PCDHA8: variants seen among roughly 807,000 people sequenced by gnomAD.
PCDHA8 encodes protocadherin alpha 8, also known as protocadherin alpha-8.
Under a neutral mutation model 61.8 loss-of-function variants are expected in PCDHA8, and 53 were observed. That is an observed-to-expected ratio of 0.86 (90% CI 0.69 to 1.08). The LOEUF (loss-of-function observed/expected upper bound fraction) is 1.08, where lower values mean the gene tolerates loss of function less well. Among genes scored for constraint, PCDHA8 ranks in the 50% least tolerant of loss-of-function variants. The pLI is 0.00. For missense variants in PCDHA8, 1,293 were observed against 1,245.0 expected (o/e 1.04, Z -0.58); for synonymous variants, 618 against 556.6 (o/e 1.11, Z -1.55).
intron 1 of PCDHA8, chr5:140,870,801 G>A: frequency 6.2e-7 from 1 of 1,613,670 alleles, no homozygotes; most frequent in Non-Finnish European, 8.5e-7. Context: ...CACTGCTGGC[G>A]ACTCAGGCTG....
chr5:140,877,572 C>T (rs2057210526), intron 1 of PCDHA8: 6 of 1,613,784 alleles, frequency 3.7e-6, no homozygotes, highest in Non-Finnish European at 4.2e-6. Flanking sequence ...ACGTGTACCT[C>T]ATCATCGCCA....
At chr5:140,876,742 G>C (rs1554168860) in intron 1 of PCDHA8, 3 of 1,614,274 alleles carry the variant, frequency 1.9e-6, no homozygotes, top group Admixed American at 3.3e-5. Context: ...CTATGAGCTG[G>C]TGGTGACTGC....
chr5:140,869,199 C>T, intron 1 of PCDHA8: 1 of 1,614,024 alleles, frequency 6.2e-7, no homozygotes, highest in Non-Finnish European at 8.5e-7. Context: ...GCCAGCTCCA[C>T]TACTCCGTCT....
chr5:140,951,252 A>AT (rs1488592252), intron 1 of PCDHA8, among the ~76,000 whole-genome samples: 16 of 151,738 alleles, frequency 1.1e-4, no homozygotes, highest in Admixed American at 1.1e-3. Context: ...AATGCATCAC[A>AT]TTTTTCTGGT....
rs542701193 is a variant in PCDHA8 at position 140,931,976 on chromosome 5, A to G, written c.2395-46973A>G. 2.6e-5 allele frequency among the ~76,000 whole-genome samples: 4 copies of G among 152,074 alleles called. No homozygotes were observed. In the East Asian group the frequency reaches 7.7e-4, roughly 29 times the overall value. On this transcript the variant is annotated intron_variant, in intron 1 of 3. Coordinates refer to ENST00000531613, the MANE Select transcript of PCDHA8 (RefSeq NM_018911.3). ...GAATCATGTTGATGCATATGTGTTTATATTTTGCTCAAATTCTAAGTTCTT... is the reference window on the plus strand; with the variant it reads ...GAATCATGTTGATGCATATGTGTTTGTATTTTGCTCAAATTCTAAGTTCTT...
At chr5:140,970,960 G>T (rs3776114) in intron 1 of PCDHA8, among the ~76,000 whole-genome samples, 54,597 of 152,034 alleles carry the variant, frequency 0.36, 10,036 homozygotes, top group Admixed American at 0.46. Context: ...ATGGGAGGCA[G>T]ATTGTAGATT....
At chr5:140,926,185 GCAGCACTT>G (rs1563077744) in intron 1 of PCDHA8, among the ~76,000 whole-genome samples, 1 of 151,672 alleles carries the variant, frequency 6.6e-6, no homozygotes, top group East Asian at 1.9e-4. Flanking sequence ...AAAGCCCCCC[GCAGCACTT>G]CTTTCGGGGG....
rs1554166675 is a variant in PCDHA8 at position 140,873,309 on chromosome 5, T to C, written c.2394+29594T>C. ...TGAAACTTTATAAATATAATAAAGG[T>C]GAATATTAGATAGGGCATACATTAC... On this transcript the variant is annotated intron_variant, in intron 1 of 3. Transcript: ENST00000531613. Among the ~76,000 whole-genome samples, 4 of 152,264 alleles carry C rather than the reference T, an allele frequency of 2.6e-5. No individual in the cohort carries two copies. The East Asian group carries it at 5.8e-4, about 22-fold the overall frequency.
chr5:140,888,088 C>G (rs941828532), intron 1 of PCDHA8, among the ~76,000 whole-genome samples: 3 of 151,906 alleles, frequency 2.0e-5, no homozygotes, highest in African/African-American at 4.8e-5. Flanking sequence ...ACATTTTTGT[C>G]CTTAGTTTGC....
intron 1 of PCDHA8, among the ~76,000 whole-genome samples, chr5:140,949,279 A>T (rs2094358116): frequency 6.6e-6 from 1 of 151,848 alleles, no homozygotes; most frequent in African/African-American, 2.4e-5. Flanking sequence ...CTTGAAAAGA[A>T]TGTATATTCT....
In PCDHA8 at chr5:140,854,136, C is replaced by T. The variant is rs1341561455; in HGVS notation, c.2394+10421C>T. 15 of 398,606 alleles carry T rather than the reference C, an allele frequency of 3.8e-5. 1 individual carries two copies. The highest frequency in any genetic ancestry group is 1.0e-4 in the South Asian group (1 of 9,692). 24.7% of individuals were successfully genotyped at this position (398,606 alleles called of 1,614,324 possible). ...GTGATGGCACAACTGCATTTCAGCCCGGGTGACAGCAAGATTCTGTCTCAA... is the reference window on the plus strand; with the variant it reads ...GTGATGGCACAACTGCATTTCAGCCTGGGTGACAGCAAGATTCTGTCTCAA... On this transcript the variant is annotated intron_variant, in intron 1 of 3. Transcript: ENST00000531613.
chr5:140,975,752 A>G (rs577986836), intron 1 of PCDHA8, among the ~76,000 whole-genome samples: 2 of 152,320 alleles, frequency 1.3e-5, no homozygotes, highest in East Asian at 1.9e-4. Flanking sequence ...CAAATATTCT[A>G]TGTCATAAAT....
At chr5:140,883,912 C>A in intron 1 of PCDHA8, 1 of 1,613,300 alleles carries the variant, frequency 6.2e-7, no homozygotes, top group South Asian at 1.1e-5. Context: ...TGGGCAGCAA[C>A]GTGACGCTGC....
chr5:140,871,369 A>G, intron 1 of PCDHA8: 1 of 1,614,218 alleles, frequency 6.2e-7, no homozygotes. Context: ...GAGGCGGCAG[A>G]GGGTGTGCTC....
At chr5:140,883,525 A>G in intron 1 of PCDHA8, 1 of 1,614,220 alleles carries the variant, frequency 6.2e-7, no homozygotes, top group Middle Eastern at 1.7e-4. Context: ...AGAGCGTATC[A>G]GCCTATGAAC....
intron 3 of PCDHA8, among the ~76,000 whole-genome samples, chr5:140,998,363 A>G (rs568271579): frequency 6.6e-6 from 1 of 152,316 alleles, no homozygotes; most frequent in Admixed American, 6.5e-5. Flanking sequence ...TAACCACTGC[A>G]CACACCGTCT....
chr5:140,886,539 T>C (rs1463145945), intron 1 of PCDHA8, among the ~76,000 whole-genome samples: 6 of 152,154 alleles, frequency 3.9e-5, no homozygotes, highest in African/African-American at 1.4e-4. Context: ...GTTAGAAAGG[T>C]CTTCCCAGCT....
intron 3 of PCDHA8, among the ~76,000 whole-genome samples, chr5:140,985,878 T>C (rs891027308): frequency 6.6e-6 from 1 of 151,706 alleles, no homozygotes; most frequent in Non-Finnish European, 1.5e-5. Flanking sequence ...TAGCTGGGAC[T>C]ACAGGCGCCC....
Position 141,010,550 on chromosome 5 carries a change from ACC to A in PCDHA8, c.*617_*618del. 3.2e-6 allele frequency: 1 copy of A among 316,712 alleles called. No individual in the cohort carries two copies. The highest frequency in any genetic ancestry group is 5.8e-6 in the Non-Finnish European group (1 of 172,196). The allele number at this position is 316,712 out of a possible 1,614,324, so 19.6% of individuals were successfully genotyped here. ...CAGCCACCCTCTAGGAGACAAAACT[ACC>A]CCCACTGACAAGGCTTTAGGAGACC... On this transcript the variant is annotated 3_prime_UTR_variant, in exon 4 of 4. Transcript: ENST00000531613.
Sources: gnomAD v4.1 joint callset for allele counts (sites outside exome capture counted in the v4.1 genomes callset) on GRCh38, gnomAD v4.1.1 for gene constraint, MANE v1.5 for transcripts, NCBI Gene and HGNC (gene_info 2026-07-23, HGNC 2026-07-21) for gene names.